The following WWTR1 variants were observed in gnomAD, a reference collection of about 807,000 sequenced individuals.
The protein encoded by WWTR1 is WW domain containing transcription regulator 1, also known as WW domain-containing transcription regulator protein 1.
WWTR1 carries 13 observed loss-of-function variants against 40.1 expected under a neutral mutation model. The observed-to-expected ratio is 0.32, with a 90% CI of 0.21 to 0.52. The LOEUF (loss-of-function observed/expected upper bound fraction) is 0.52, where lower values mean the gene tolerates loss of function less well. Ranked by LOEUF, WWTR1 falls within the 20% of genes least tolerant of loss-of-function variation. The pLI is 0.97. For missense variants in WWTR1, 436 were observed against 523.1 expected (o/e 0.83, Z 1.63); for synonymous variants, 230 against 210.1 (o/e 1.09, Z -0.82).
At chr3:149,681,591 A>G (rs758020591) in intron 1 of WWTR1, among the ~76,000 whole-genome samples, 1 of 152,232 alleles carries the variant, frequency 6.6e-6, no homozygotes, top group Non-Finnish European at 1.5e-5. Flanking sequence ...AATAGAATTG[A>G]CATCAGGATC....
chr3:149,694,358 C>A (rs1714914710), intron 1 of WWTR1, among the ~76,000 whole-genome samples: 2 of 152,188 alleles, frequency 1.3e-5, no homozygotes, highest in African/African-American at 2.4e-5. Flanking sequence ...CGCATCACTG[C>A]ACTCCAGCCT....
Position 149,657,325 on chromosome 3 carries a change from C to A in WWTR1, c.-3-16G>T. On this transcript the variant is annotated splice_polypyrimidine_tract_variant and intron_variant, in intron 1 of 6. Transcript: ENST00000360632. ...GATTCATCTTCTGCAAAAAGAAGGT[C>A]AGATCAGCCTTTTATTTAAAGTCGG... 1 of 1,600,444 alleles carries A rather than the reference C, an allele frequency of 6.2e-7. No homozygotes were observed. Among genetic ancestry groups the A allele is most frequent in the South Asian group, 1.1e-5 (1 of 88,584 alleles).
chr3:149,525,435 A>G (rs1170384081), intron 6 of WWTR1, among the ~76,000 whole-genome samples: 1 of 151,950 alleles, frequency 6.6e-6, no homozygotes. Context: ...GACTATATGG[A>G]GCAAAGATGA....
At chr3:149,567,436 T>C (rs1006116868) in intron 3 of WWTR1, among the ~76,000 whole-genome samples, 11 of 152,192 alleles carry the variant, frequency 7.2e-5, no homozygotes, top group African/African-American at 2.7e-4. Context: ...CTTCATCTTC[T>C]CACAATTGCT....
chr3:149,623,400 G>A lies in WWTR1; in HGVS notation c.431+33476C>T, dbSNP rs920605067. ...TGTTTATCATATGGCCATTTAAAGT[G>A]TGAAAATGGGAAAGAACCTAAATGC... On this transcript the variant is annotated intron_variant, in intron 2 of 6. Coordinates refer to ENST00000360632, the MANE Select transcript of WWTR1 (RefSeq NM_015472.6). 5.9e-5 allele frequency among the ~76,000 whole-genome samples: 9 copies of A among 152,080 alleles called. No individual in the cohort carries two copies. The East Asian group carries it at 1.4e-3, about 23-fold the overall frequency.
upstream of WWTR1, among the ~76,000 whole-genome samples, chr3:149,707,487 T>C (rs573381661): frequency 6.6e-6 from 1 of 152,224 alleles, no homozygotes; most frequent in African/African-American, 2.4e-5. Context: ...AGGAGAACAA[T>C]TCCCCAAAGT....
intron 1 of WWTR1, among the ~76,000 whole-genome samples, chr3:149,684,354 T>A (rs1714560496): frequency 6.6e-6 from 1 of 152,068 alleles, no homozygotes; most frequent in Non-Finnish European, 1.5e-5. Context: ...TGATATCGCC[T>A]ACAGGGAAGG....
At chr3:149,530,383 A>G (rs1304874231) in intron 4 of WWTR1, among the ~76,000 whole-genome samples, 2 of 152,054 alleles carry the variant, frequency 1.3e-5, no homozygotes, top group African/African-American at 4.8e-5. Context: ...TGAATCTGCA[A>G]TTTCCAGGAG....
At chr3:149,581,194 T>C (rs1216863113) in intron 2 of WWTR1, among the ~76,000 whole-genome samples, 2 of 152,210 alleles carry the variant, frequency 1.3e-5, no homozygotes, top group East Asian at 3.8e-4. Context: ...TTATAATGAT[T>C]CTTCCATTCT....
In WWTR1 at chr3:149,628,567, G is replaced by A. The variant is rs1403871116; in HGVS notation, c.431+28309C>T. Among the ~76,000 whole-genome samples, 7 of 151,998 alleles carry A rather than the reference G, an allele frequency of 4.6e-5. No individual in the cohort carries two copies. In the East Asian group the frequency reaches 9.6e-4, roughly 21 times the overall value. ...CCCCAGCAGTATCTTTTTCGGTATC[G>A]TGGAGCACATATATCCTTGTCCGCA... On this transcript the variant is annotated intron_variant, in intron 2 of 6. Coordinates refer to ENST00000360632, the MANE Select transcript of WWTR1 (RefSeq NM_015472.6).
chr3:149,701,751 G>A (rs1715186174), intron 1 of WWTR1: 2 of 174,624 alleles, frequency 1.1e-5, no homozygotes, highest in Non-Finnish European at 2.5e-5. Context: ...AGCTGTTTAA[G>A]TTGAAGCGCT....
At chr3:149,540,466 C>A (rs1736042160) in intron 4 of WWTR1, among the ~76,000 whole-genome samples, 1 of 152,118 alleles carries the variant, frequency 6.6e-6, no homozygotes, top group Non-Finnish European at 1.5e-5. Context: ...TCATTCTTTG[C>A]AGAATGGTCA....
At chr3:149,693,266 C>T (rs1026099156) in intron 1 of WWTR1, among the ~76,000 whole-genome samples, 2 of 151,520 alleles carry the variant, frequency 1.3e-5, no homozygotes, top group African/African-American at 4.9e-5. Context: ...TGGAAATAAG[C>T]TTAACGAAAG....
intron 3 of WWTR1, among the ~76,000 whole-genome samples, chr3:149,571,173 A>G (rs183718832): frequency 6.6e-6 from 1 of 151,758 alleles, no homozygotes; most frequent in Admixed American, 6.6e-5. Context: ...GGGACTGAGG[A>G]AAGGGAGATT....
intron 3 of WWTR1, among the ~76,000 whole-genome samples, chr3:149,546,909 C>G (rs866421307): frequency 6.6e-6 from 1 of 152,072 alleles, no homozygotes; most frequent in African/African-American, 2.4e-5. Context: ...TAAAACCGGT[C>G]GGTATCCTAG....
At chr3:149,526,400 A>G (rs1397879652) in intron 5 of WWTR1, among the ~76,000 whole-genome samples, 3 of 151,522 alleles carry the variant, frequency 2.0e-5, no homozygotes, top group Non-Finnish European at 1.5e-5. Context: ...GACACCATTT[A>G]TGTAAAACTT....
At chr3:149,627,133 C>T (rs1400690631) in intron 2 of WWTR1, among the ~76,000 whole-genome samples, 1 of 152,102 alleles carries the variant, frequency 6.6e-6, no homozygotes, top group Non-Finnish European at 1.5e-5. Flanking sequence ...AAATACGTCC[C>T]ATGCAATATC....
Position 149,657,070 on chromosome 3 carries a change from A to C in WWTR1, c.237T>G (p.Ala79=), listed in dbSNP as rs748350499. 1 of 1,569,676 alleles carries C rather than the reference A, an allele frequency of 6.4e-7. No individual in the cohort carries two copies. Among genetic ancestry groups the C allele is most frequent in the Non-Finnish European group, 8.6e-7 (1 of 1,161,700 alleles). The change falls in exon 2 of 7, where the codon GCT becomes GCG. Residue 79 remains alanine (A), a synonymous_variant. Coordinates refer to ENST00000360632, the MANE Select transcript of WWTR1 (RefSeq NM_015472.6). The part of the protein sequence containing the change: ...SSGGHPGPRL[A]GGAQHVRSHS... ...GCGAGCGGACATGCTGGGCACCCCC[A>C]GCCAGTCGAGGCCCCGGGTGGCCGC... is the stretch of plus-strand genomic sequence containing the variant.
chr3:149,691,282 A>C (rs1193168671), intron 1 of WWTR1, among the ~76,000 whole-genome samples: 1 of 151,960 alleles, frequency 6.6e-6, no homozygotes, highest in African/African-American at 2.4e-5. Flanking sequence ...AGCAAACCAA[A>C]CCCAAAATTA....
Sources: gnomAD v4.1 joint callset for allele counts (sites outside exome capture counted in the v4.1 genomes callset) on GRCh38, gnomAD v4.1.1 for gene constraint, MANE v1.5 for transcripts, NCBI Gene and HGNC (gene_info 2026-07-23, HGNC 2026-07-21) for gene names.